Variants in PRTG observed in about 807,000 individuals in gnomAD.
The protein encoded by PRTG is immunoglobulin superfamily, DCC subclass, member 5.
In PRTG, 67 loss-of-function variants were observed where a neutral mutation model predicts 122.5. The ratio of observed to expected loss-of-function variants is 0.55; its 90% confidence interval spans 0.45 to 0.67. The LOEUF is 0.67. Among genes scored for constraint, PRTG ranks in the 30% least tolerant of loss-of-function variants. PRTG has a pLI of 0.00. For missense variants in PRTG, 1,435 were observed against 1,415.4 expected, an observed-to-expected ratio of 1.01 and a Z score of -0.22; for synonymous variants, 554 against 501.1, an observed-to-expected ratio of 1.11 and a Z score of -1.41.
intron 8 of PRTG, among the ~76,000 whole-genome samples, 176 bp downstream of exon 8, chr15:55,677,621 A>G (rs2059510039): frequency 6.6e-6 from 1 of 152,242 alleles, no homozygotes; most frequent in Non-Finnish European, 1.5e-5. Context: ...TACAAAGTAC[A>G]CAACATGAAA....
At chr15:55,636,661 C>A (rs1479458230) in intron 15 of PRTG, among the ~76,000 whole-genome samples, 1 of 151,884 alleles carries the variant, frequency 6.6e-6, no homozygotes, top group East Asian at 1.9e-4. Context: ...TTTTTTACCC[C>A]CCCGAGACAG....
chr15:55,737,959 T>C (rs2141893790), intron 2 of PRTG, among the ~76,000 whole-genome samples: 1 of 145,544 alleles, frequency 6.9e-6, no homozygotes, highest in South Asian at 2.2e-4. Flanking sequence ...AAAACCAGAA[T>C]GTCCACTTAA....
At chr15:55,675,448 C>A (rs890241129) in intron 9 of PRTG, 71 bp downstream of exon 9, 16 of 1,120,106 alleles carry the variant, frequency 1.4e-5, no homozygotes, top group Middle Eastern at 2.1e-4. Flanking sequence ...CTTTAAAACA[C>A]ATTTATTCAT....
intron 2 of PRTG, among the ~76,000 whole-genome samples, chr15:55,738,812 G>A (rs929808014): frequency 2.7e-5 from 4 of 147,746 alleles, no homozygotes; most frequent in African/African-American, 1.0e-4. Flanking sequence ...AGGAAGGAAG[G>A]AAGGAAGGGA....
rs1292908069 is a variant in PRTG at position 55,616,950 on chromosome 15, T to C, written c.*3062A>G. On this transcript the variant is annotated 3_prime_UTR_variant, in exon 20 of 20. Transcript: ENST00000389286. ...GGTATGAAAATACTGATGAGCAGTA[T>C]CTTGTAATATTTGGCATAAAAATGA... The C allele has an allele frequency of 6.6e-6, 1 of 152,126 alleles. No homozygotes were observed. The highest frequency in any genetic ancestry group is 1.5e-5 in the Non-Finnish European group (1 of 67,994). 9.4% of individuals were successfully genotyped at this position (152,126 alleles called of 1,614,324 possible). A position where few individuals can be genotyped will look rare whatever the true frequency, so the allele number is the denominator to read the frequency against.
At chr15:55,646,569 G>A (rs150799270) in intron 11 of PRTG, among the ~76,000 whole-genome samples, 3,429 of 152,184 alleles carry the variant, frequency 0.023, 77 homozygotes, top group Non-Finnish European at 0.036. Context: ...TGATCCACCC[G>A]CCTCGTCCTC....
chr15:55,645,427 C>A (rs2059316035), intron 11 of PRTG, among the ~76,000 whole-genome samples: 2 of 13,854 alleles, frequency 1.4e-4, no homozygotes, highest in African/African-American at 1.1e-4. Context: ...GAGCGAAACT[C>A]CGTCTCAAAA....
chr15:55,732,172 C>T (rs987094625), intron 2 of PRTG, among the ~76,000 whole-genome samples: 1 of 152,182 alleles, frequency 6.6e-6, no homozygotes, highest in Non-Finnish European at 1.5e-5. Flanking sequence ...TGTTGTTACA[C>T]TGCACATGAC....
rs1422333118 is a variant in PRTG, at chr15:55,619,749, A to C, written c.*263T>G. On this transcript the variant is annotated 3_prime_UTR_variant, in exon 20 of 20. Transcript: ENST00000389286. Reference sequence around the variant, plus strand: ...TAAAAATAAAAAACAAAACACATTCAAAAAAAGCTAAAATACCCCATAAAG... The same window carrying C: ...TAAAAATAAAAAACAAAACACATTCCAAAAAAGCTAAAATACCCCATAAAG... 2 of 438,348 alleles carry C rather than the reference A, an allele frequency of 4.6e-6. No individual in the cohort carries two copies. The highest frequency in any genetic ancestry group is 7.8e-6 in the Non-Finnish European group (2 of 255,366). The allele number at this position is 438,348 out of a possible 1,614,324, so 27.2% of individuals were successfully genotyped here. A position where few individuals can be genotyped will look rare whatever the true frequency, so the allele number is the denominator to read the frequency against.
intron 2 of PRTG, among the ~76,000 whole-genome samples, chr15:55,710,895 T>C (rs1459079300): frequency 6.6e-6 from 1 of 151,746 alleles, no homozygotes; most frequent in Non-Finnish European, 1.5e-5. Context: ...TTATAGCAGA[T>C]GTGGTTTTTT....
intron 11 of PRTG, among the ~76,000 whole-genome samples, chr15:55,660,261 CAAAAACAAA>C (rs1220576398): frequency 6.6e-6 from 1 of 151,896 alleles, no homozygotes; most frequent in African/African-American, 2.4e-5. Flanking sequence ...AACTTTAAAC[CAAAAACAAA>C]ACAAAAACCA....
chr15:55,697,721 C>A (rs1211815512), intron 2 of PRTG, among the ~76,000 whole-genome samples: 1 of 152,136 alleles, frequency 6.6e-6, no homozygotes, highest in Admixed American at 6.5e-5. Flanking sequence ...AACTCCTGAC[C>A]TCAGGTGATC....
At chr15:55,690,286 T>A (rs1378451643) in intron 2 of PRTG, among the ~76,000 whole-genome samples, 1 of 152,232 alleles carries the variant, frequency 6.6e-6, no homozygotes, top group Non-Finnish European at 1.5e-5. Flanking sequence ...AATTTATTAA[T>A]TCATTCAATG....
chr15:55,672,355 G>A lies in PRTG; in HGVS notation c.2041+90C>T, dbSNP rs8034544. On this transcript the variant is annotated intron_variant, in intron 11 of 19. Transcript: ENST00000389286. ...TCAATTCTTTTCTTTGTACCATTAA[G>A]TAAGTTCTCCTGCTTTAGATCCAAT... The A allele has an allele frequency of 4.0e-6, 4 of 998,398 alleles. No individual in the cohort carries two copies. In the African/African-American group the frequency reaches 6.5e-5, roughly 16 times the overall value. The allele number at this position is 998,398 out of a possible 1,614,324, so 61.8% of individuals were successfully genotyped here.
At chr15:55,712,980 T>G (rs1320117054) in intron 2 of PRTG, among the ~76,000 whole-genome samples, 1 of 152,222 alleles carries the variant, frequency 6.6e-6, no homozygotes, top group African/African-American at 2.4e-5. Flanking sequence ...AGTATAACAC[T>G]TTATCAAATA....
chr15:55,714,873 G>A (rs1328712088), intron 2 of PRTG, among the ~76,000 whole-genome samples: 1 of 152,080 alleles, frequency 6.6e-6, no homozygotes, highest in Non-Finnish European at 1.5e-5. Context: ...GAAGTCAAAT[G>A]GTAATCCCAC....
chr15:55,684,977 G>C (rs1406305972), intron 2 of PRTG, among the ~76,000 whole-genome samples: 1 of 152,126 alleles, frequency 6.6e-6, no homozygotes, highest in Non-Finnish European at 1.5e-5. Context: ...AGGCCTCCAG[G>C]AAGTGGTCTT....
At chr15:55,622,362 C>A (rs1567071797) in intron 18 of PRTG, among the ~76,000 whole-genome samples, 1 of 149,090 alleles carries the variant, frequency 6.7e-6, no homozygotes, top group Non-Finnish European at 1.5e-5. Context: ...GGATTACAGG[C>A]ATGCATCATC....
intron 11 of PRTG, among the ~76,000 whole-genome samples, chr15:55,645,412 C>T (rs1325103499): frequency 2.3e-4 from 11 of 47,724 alleles, no homozygotes; most frequent in African/African-American, 4.0e-4. Flanking sequence ...CCAGCCTGGG[C>T]GACAGAGCGA....
Sources: gnomAD v4.1 joint callset for allele counts (sites outside exome capture counted in the v4.1 genomes callset) on GRCh38, gnomAD v4.1.1 for gene constraint, MANE v1.5 for transcripts, NCBI Gene and HGNC (gene_info 2026-07-23, HGNC 2026-07-21) for gene names.